ASRGL1: variants seen among roughly 807,000 people sequenced by gnomAD.
ASRGL1 encodes asparaginase and isoaspartyl peptidase 1, also known as isoaspartyl peptidase/L-asparaginase.
ASRGL1 carries 16 observed loss-of-function variants against 22.4 expected under a neutral mutation model. The ratio of observed to expected loss-of-function variants is 0.71; its 90% CI spans 0.48 to 1.08. ASRGL1 has a LOEUF of 1.08. Among genes scored for constraint, ASRGL1 ranks in the 50% least tolerant of loss-of-function variants. ASRGL1 has a pLI of 0.00. For synonymous variants in ASRGL1, 165 were observed against 159.3 expected (o/e 1.04, Z -0.27); for missense variants, 412 against 410.1 (o/e 1.00, Z -0.04).
At chr11:62,367,377 G>A (rs1367474787) in intron 4 of ASRGL1, among the ~76,000 whole-genome samples, 2 of 151,444 alleles carry the variant, frequency 1.3e-5, no homozygotes, top group Non-Finnish European at 2.9e-5. Context: ...TAGGCGCAGT[G>A]GTTCACACCT....
intron 3 of ASRGL1, 139 bp downstream of exon 3, chr11:62,356,606 T>A: frequency 4.4e-6 from 5 of 1,125,966 alleles, no homozygotes; most frequent in Non-Finnish European, 6.2e-6. Flanking sequence ...GTATTTGAGT[T>A]TCTCAAATCA....
At chr11:62,366,573 G>GT (rs1057096316) in intron 4 of ASRGL1, among the ~76,000 whole-genome samples, 3 of 145,084 alleles carry the variant, frequency 2.1e-5, no homozygotes, top group African/African-American at 7.3e-5. Flanking sequence ...TTGTTTATGG[G>GT]TTTTTCCTTT....
At chr11:62,364,685 C>G (rs905795751) in intron 4 of ASRGL1, among the ~76,000 whole-genome samples, 1 of 152,162 alleles carries the variant, frequency 6.6e-6, no homozygotes, top group Non-Finnish European at 1.5e-5. Flanking sequence ...GAGATCCTGC[C>G]ATTTGCAGCA....
chr11:62,368,789 G>A (rs889367095), intron 4 of ASRGL1, among the ~76,000 whole-genome samples: 2 of 152,130 alleles, frequency 1.3e-5, no homozygotes, highest in Admixed American at 6.6e-5. Context: ...GTTAAGAAAA[G>A]GTGCTGTGCC....
At chr11:62,388,474 C>G (rs1431018140) in intron 4 of ASRGL1, among the ~76,000 whole-genome samples, 1 of 151,954 alleles carries the variant, frequency 6.6e-6, no homozygotes, top group African/African-American at 2.4e-5. Context: ...TGAGACCAGC[C>G]TGGCCAAGAT....
At chr11:62,356,939 T>A (rs1370669164) in intron 3 of ASRGL1, 48 bp from the exon 4 acceptor site, 4 of 1,553,828 alleles carry the variant, frequency 2.6e-6, no homozygotes, top group Middle Eastern at 1.7e-4. Context: ...TTAAAAAGAT[T>A]TAAAATTTTC....
chr11:62,355,175 A>G (rs980220532), intron 2 of ASRGL1, among the ~76,000 whole-genome samples: 5 of 152,066 alleles, frequency 3.3e-5, no homozygotes, highest in Admixed American at 6.6e-5. Flanking sequence ...CGGCCTCCCA[A>G]AGTGCTGGGA....
intron 3 of ASRGL1, 126 bp from the exon 4 acceptor site, chr11:62,356,861 C>T (rs1946309437): frequency 1.6e-6 from 2 of 1,213,130 alleles, no homozygotes; most frequent in African/African-American, 3.1e-5. Context: ...AAAAGCAAAC[C>T]ACTGGAATTT....
rs112296314 is a variant in ASRGL1 at position 62,346,196 on chromosome 11, C to G, written c.190+8029C>G. ...GCTATAAATTGGGGTTCCCATGACT[C>G]CCTCCTCGAATTCAGTTAATTTGCT... On this transcript the variant is annotated intron_variant, in intron 2 of 6. Coordinates refer to ENST00000415229, the MANE Select transcript of ASRGL1 (RefSeq NM_001083926.2). Among the ~76,000 whole-genome samples, 989 of 152,278 alleles carry G rather than the reference C, an allele frequency of 6.5e-3. 16 individuals carry two copies. The highest frequency in any genetic ancestry group is 0.02 in the African/African-American group (841 of 41,544).
chr11:62,371,520 A>G (rs1389498846), intron 4 of ASRGL1: 2 of 697,918 alleles, frequency 2.9e-6, no homozygotes, highest in Non-Finnish European at 5.2e-6. Context: ...ATGCTTGGTA[A>G]AAGTCATCAC....
chr11:62,338,556 C>T (rs978157124), intron 2 of ASRGL1, among the ~76,000 whole-genome samples: 2 of 152,080 alleles, frequency 1.3e-5, no homozygotes, highest in African/African-American at 4.8e-5. Flanking sequence ...TTCTGATGAA[C>T]AATTGATTTA....
intron 4 of ASRGL1, chr11:62,371,251 G>A (rs1946754151): frequency 2.3e-6 from 3 of 1,313,106 alleles, no homozygotes; most frequent in Non-Finnish European, 3.0e-6. Flanking sequence ...CGAGCCTCCC[G>A]AGCGCTGCAG....
At chr11:62,359,185 G>A (rs546372571) in intron 4 of ASRGL1, among the ~76,000 whole-genome samples, 6 of 152,272 alleles carry the variant, frequency 3.9e-5, no homozygotes, top group Admixed American at 1.3e-4. Flanking sequence ...AGCCACAAAT[G>A]TAATTTGACA....
At chr11:62,369,015 C>T (rs1946690703) in intron 4 of ASRGL1, among the ~76,000 whole-genome samples, 1 of 152,174 alleles carries the variant, frequency 6.6e-6, no homozygotes, top group Admixed American at 6.5e-5. Flanking sequence ...TTTACTAATC[C>T]TCCTCAGCAC....
intron 4 of ASRGL1, chr11:62,372,640 T>C: frequency 1.1e-6 from 1 of 928,894 alleles, no homozygotes; most frequent in Non-Finnish European, 1.8e-6. Context: ...ATGCTGGTCC[T>C]GGACTCCCAG....
At chr11:62,390,010 T>G (rs1023649073) in intron 5 of ASRGL1, among the ~76,000 whole-genome samples, 7 of 152,234 alleles carry the variant, frequency 4.6e-5, no homozygotes, top group Admixed American at 2.0e-4. Context: ...TTTTCTGTCA[T>G]GAACTCAGAG....
chr11:62,368,108 G>T (rs780011842), intron 4 of ASRGL1, among the ~76,000 whole-genome samples: 3 of 152,126 alleles, frequency 2.0e-5, no homozygotes, highest in Non-Finnish European at 4.4e-5. Context: ...CTCAACCGCG[G>T]TCTGATGTTT....
intron 2 of ASRGL1, among the ~76,000 whole-genome samples, chr11:62,343,104 G>A (rs955093269): frequency 6.6e-6 from 1 of 152,074 alleles, no homozygotes; most frequent in African/African-American, 2.4e-5. Context: ...CTGGCCGGGC[G>A]CGGTGGCTCA....
intron 4 of ASRGL1, among the ~76,000 whole-genome samples, chr11:62,359,751 C>T (rs906808669): frequency 3.3e-5 from 5 of 151,888 alleles, no homozygotes; most frequent in African/African-American, 1.2e-4. Flanking sequence ...GCTAACTCTC[C>T]GTGTTAGCAA....
Sources: gnomAD v4.1 joint callset for allele counts (sites outside exome capture counted in the v4.1 genomes callset) on GRCh38, gnomAD v4.1.1 for gene constraint, MANE v1.5 for transcripts, NCBI Gene and HGNC (gene_info 2026-07-23, HGNC 2026-07-21) for gene names.